Variants in MMP26 observed in about 807,000 individuals in gnomAD.
MMP26 encodes the protein matrix metalloproteinase-26.
A neutral mutation model predicts 31.0 loss-of-function variants in MMP26; 33 were observed. The observed-to-expected ratio is 1.06, with a 90% CI of 0.81 to 1.42. The LOEUF (loss-of-function observed/expected upper bound fraction) is 1.42. MMP26 is among the 40% of genes most tolerant of loss of function. MMP26 has a pLI of 0.00. For synonymous variants in MMP26, 122 were observed against 114.9 expected (o/e 1.06, Z -0.40); for missense variants, 347 against 316.1 (o/e 1.10, Z -0.74).
intron 2 of MMP26, among the ~76,000 whole-genome samples, chr11:4,964,622 T>C (rs1846565289): frequency 6.6e-6 from 1 of 152,172 alleles, no homozygotes; most frequent in Non-Finnish European, 1.5e-5. Context: ...TGCACACATA[T>C]GTTCATTGCA....
intron 2 of MMP26, chr11:4,973,808 T>C (rs1377254954): frequency 4.6e-5 from 7 of 153,102 alleles, no homozygotes; most frequent in Admixed American, 3.9e-4. Context: ...GATCCAAATA[T>C]TGGCATGCTC....
At chr11:4,796,136 G>T (rs1439112209) in intron 2 of MMP26, among the ~76,000 whole-genome samples, 1 of 152,176 alleles carries the variant, frequency 6.6e-6, no homozygotes. Flanking sequence ...GGGAAAAGTA[G>T]AGCCTGTCTG....
intron 2 of MMP26, among the ~76,000 whole-genome samples, chr11:4,838,613 C>T (rs2133486839): frequency 6.6e-6 from 1 of 152,102 alleles, no homozygotes; most frequent in South Asian, 2.1e-4. Flanking sequence ...CACCATGGAA[C>T]ATTATGATTA....
intron 2 of MMP26, among the ~76,000 whole-genome samples, chr11:4,941,040 AC>A (rs1846198568): frequency 7.8e-6 from 1 of 127,852 alleles, no homozygotes; most frequent in Non-Finnish European, 1.7e-5. Flanking sequence ...TACCTTTTCC[AC>A]ATTTATTTAA....
At chr11:4,904,877 A>G in intron 2 of MMP26, among the ~76,000 whole-genome samples, 1 of 152,122 alleles carries the variant, frequency 6.6e-6, no homozygotes, top group East Asian at 1.9e-4. Flanking sequence ...TTGATGACAG[A>G]TACATGGGGA....
At chr11:4,768,069 TTGTGAAAAC>T (rs767391030) in intron 2 of MMP26, among the ~76,000 whole-genome samples, 3 of 143,872 alleles carry the variant, frequency 2.1e-5, no homozygotes, top group South Asian at 4.2e-4. Flanking sequence ...TTAATGGCAT[TTGTGAAAAC>T]TGTGAAAACT....
At chr11:4,845,556 C>A (rs1564792462) in intron 2 of MMP26, among the ~76,000 whole-genome samples, 1 of 152,046 alleles carries the variant, frequency 6.6e-6, no homozygotes, top group Non-Finnish European at 1.5e-5. Flanking sequence ...TGAGCAATAT[C>A]CCACAAGCAC....
intron 2 of MMP26, chr11:4,803,504 T>C: frequency 6.2e-7 from 1 of 1,613,960 alleles, no homozygotes. Flanking sequence ...CCATAAATGA[T>C]GGGGTTGAGC....
chr11:4,817,860 T>A (rs1374570659), intron 2 of MMP26, among the ~76,000 whole-genome samples: 1 of 152,088 alleles, frequency 6.6e-6, no homozygotes, highest in African/African-American at 2.4e-5. Context: ...CCAAGAGCCA[T>A]CTACAAATAC....
At chr11:4,795,858 G>A (rs2133447244) in intron 2 of MMP26, among the ~76,000 whole-genome samples, 1 of 151,986 alleles carries the variant, frequency 6.6e-6, no homozygotes, top group South Asian at 2.1e-4. Flanking sequence ...GAGAGAGAGA[G>A]AGAGAGAGAG....
At position 4,746,556 on chromosome 11, in the gene MMP26, G is replaced by T. The variant is rs371498171; in HGVS notation, c.-216-20714G>T. On this transcript the variant is annotated intron_variant, in intron 1 of 7. Transcript: ENST00000380390. ...AAAGATGAATAAGAATATAAATTGG[G>T]GCCGGGCATGGTGGCTCACGCCTGT... Among the ~76,000 whole-genome samples, 27 of 152,160 alleles carry T rather than the reference G, an allele frequency of 1.8e-4. No homozygotes were observed. The South Asian group carries it at 5.4e-3, about 30-fold the overall frequency.
At chr11:4,921,638 G>A (rs748414600) in intron 2 of MMP26, among the ~76,000 whole-genome samples, 8 of 152,130 alleles carry the variant, frequency 5.3e-5, no homozygotes, top group South Asian at 2.1e-4. Flanking sequence ...GGTATTTCAC[G>A]AGAATGTATA....
At chr11:4,874,145 C>T (rs982204370) in intron 2 of MMP26, among the ~76,000 whole-genome samples, 8 of 152,060 alleles carry the variant, frequency 5.3e-5, no homozygotes, top group African/African-American at 1.9e-4. Context: ...TATTCTACAA[C>T]AATTTTATCC....
intron 2 of MMP26, among the ~76,000 whole-genome samples, chr11:4,981,033 ATTAG>A (rs1230326265): frequency 6.6e-6 from 1 of 152,096 alleles, no homozygotes; most frequent in Non-Finnish European, 1.5e-5. Context: ...ATATAAACAT[ATTAG>A]TTAAGTAGCT....
At chr11:4,837,501 C>T (rs778282690) in intron 2 of MMP26, among the ~76,000 whole-genome samples, 2 of 151,924 alleles carry the variant, frequency 1.3e-5, no homozygotes, top group African/African-American at 2.4e-5. Flanking sequence ...TGTGACCCAC[C>T]CACTTATATT....
intron 2 of MMP26, among the ~76,000 whole-genome samples, chr11:4,806,919 C>CT (rs1425768630): frequency 6.6e-6 from 1 of 152,094 alleles, no homozygotes; most frequent in African/African-American, 2.4e-5. Context: ...TCACTTGCCC[C>CT]TGTATATCAC....
intron 1 of MMP26, among the ~76,000 whole-genome samples, chr11:4,707,193 C>T (rs1434482179): frequency 6.6e-6 from 1 of 152,070 alleles, no homozygotes; most frequent in Non-Finnish European, 1.5e-5. Context: ...TCAACACTTG[C>T]TATTGTTTTT....
chr11:4,921,069 T>C (rs1241783430), intron 2 of MMP26, among the ~76,000 whole-genome samples: 1 of 152,084 alleles, frequency 6.6e-6, no homozygotes, highest in Non-Finnish European at 1.5e-5. Context: ...CCAAACAATA[T>C]CCCATGAGCT....
At chr11:4,985,074 G>A (rs1412552002) in intron 2 of MMP26, among the ~76,000 whole-genome samples, 1 of 152,050 alleles carries the variant, frequency 6.6e-6, no homozygotes, top group East Asian at 1.9e-4. Flanking sequence ...AATGTATTCA[G>A]GCCATAGAAA....
Sources: gnomAD v4.1 joint callset for allele counts (sites outside exome capture counted in the v4.1 genomes callset) on GRCh38, gnomAD v4.1.1 for gene constraint, MANE v1.5 for transcripts, NCBI Gene and HGNC (gene_info 2026-07-23, HGNC 2026-07-21) for gene names.